The following DNAH3 variants were observed in gnomAD, a reference collection of about 807,000 sequenced individuals.
The protein encoded by DNAH3 is dynein axonemal heavy chain 3.
A neutral mutation model predicts 432.5 loss-of-function variants in DNAH3; 332 were observed. The ratio of observed to expected loss-of-function variants is 0.77; its 90% CI spans 0.70 to 0.84. The LOEUF is 0.84. Among genes scored for constraint, DNAH3 ranks in the 40% least tolerant of loss-of-function variants. DNAH3 has a pLI of 0.00. For missense variants in DNAH3, 4,861 were observed against 5,114.0 expected, an observed-to-expected ratio of 0.95 and a Z score of 1.51; for synonymous variants, 1,956 against 1,900.2, an observed-to-expected ratio of 1.03 and a Z score of -0.76.
Position 21,021,926 on chromosome 16 carries a change from T to C in DNAH3, c.5776+45A>G, listed in dbSNP as rs748870462. 11 of 1,590,552 alleles carry C rather than the reference T, an allele frequency of 6.9e-6. No homozygotes were observed. In the Admixed American group the frequency reaches 1.4e-4, roughly 21 times the overall value. On this transcript the variant is annotated intron_variant, in intron 40 of 61. Coordinates refer to ENST00000261383, the Ensembl canonical transcript of DNAH3. ...TCAAAAAAAAAAGAAATAGCCAAGG[T>C]AGACCCACCCCCCATGTGGCTTAAG...
chr16:21,074,358 T>C (rs374751049), intron 21 of DNAH3, among the ~76,000 whole-genome samples: 48 of 152,200 alleles, frequency 3.2e-4, no homozygotes, highest in African/African-American at 9.6e-4. Flanking sequence ...GAAGAATCCA[T>C]TGGGAGATTT....
chr16:21,113,960 C>G (rs1213786539), intron 12 of DNAH3, among the ~76,000 whole-genome samples: 1 of 152,160 alleles, frequency 6.6e-6, no homozygotes, highest in Non-Finnish European at 1.5e-5. Context: ...GCAGATAGTA[C>G]TGAACCCTTT....
intron 1 of DNAH3, among the ~76,000 whole-genome samples, chr16:21,159,029 AC>A (rs1051246137): frequency 6.7e-6 from 1 of 150,028 alleles, no homozygotes; most frequent in African/African-American, 2.5e-5. Flanking sequence ...CACACACACT[AC>A]CACTAGATTA....
chr16:20,986,081 C>G (rs919201798), intron 47 of DNAH3, among the ~76,000 whole-genome samples: 1 of 151,966 alleles, frequency 6.6e-6, no homozygotes, highest in East Asian at 1.9e-4. Flanking sequence ...TCCTGAAACT[C>G]CTGATATCAG....
chr16:21,005,165 CTTTCTT>C (rs1468440392), intron 41 of DNAH3, among the ~76,000 whole-genome samples: 11 of 144,278 alleles, frequency 7.6e-5, no homozygotes, highest in East Asian at 4.0e-4. Context: ...TCTTTTCTTT[CTTTCTT>C]TTTCTTTTTC....
intron 52 of DNAH3, 106 bp from the exon 53 acceptor site, chr16:20,965,531 A>G: frequency 2.0e-6 from 2 of 998,190 alleles, no homozygotes; most frequent in Middle Eastern, 3.4e-4. Flanking sequence ...AAACAAAAAC[A>G]TGGTCTGAGA....
exon 4 of DNAH3, chr16:21,141,312 T>C: frequency 6.3e-7 from 1 of 1,588,774 alleles, no homozygotes; most frequent in South Asian, 1.1e-5. Flanking sequence ...AGTGGAATCC[T>C]CTTTGTTTCT....
intron 44 of DNAH3, among the ~76,000 whole-genome samples, chr16:20,988,496 C>T (rs1415564553): frequency 6.6e-6 from 1 of 152,160 alleles, no homozygotes; most frequent in Non-Finnish European, 1.5e-5. Context: ...TTCACTGCAA[C>T]CTCCGCCTCC....
intron 52 of DNAH3, among the ~76,000 whole-genome samples, chr16:20,967,370 G>T (rs573854895): frequency 1.3e-5 from 2 of 152,012 alleles, no homozygotes; most frequent in South Asian, 4.2e-4. Flanking sequence ...ACCTGGCTGT[G>T]CTTTGTGTAT....
chr16:20,933,801 C>A (rs1288766624), intron 61 of DNAH3, among the ~76,000 whole-genome samples: 2 of 152,214 alleles, frequency 1.3e-5, no homozygotes, highest in African/African-American at 4.8e-5. Context: ...TGCACAATCC[C>A]TTCCCTTTCT....
At chr16:21,065,253 C>T (rs770419962) in intron 24 of DNAH3, among the ~76,000 whole-genome samples, 6 of 151,972 alleles carry the variant, frequency 3.9e-5, no homozygotes, top group East Asian at 1.9e-4. Context: ...CTCTGCCTCC[C>T]GGGTTCAAGC....
In DNAH3 at chr16:21,054,400, G is replaced by T. The variant is rs369195371; in HGVS notation, c.4039+20C>A. ...TTCTCCTGGATAGTCAGTAATGACA[G>T]GGGAAGCCCCCTGGCTTACCGTGGA... On this transcript the variant is annotated intron_variant, in intron 28 of 61. Transcript: ENST00000261383. The T allele has an allele frequency of 1.9e-6, 3 of 1,576,460 alleles. No individual in the cohort carries two copies. Among genetic ancestry groups the T allele is most frequent in the Non-Finnish European group, 1.7e-6 (2 of 1,146,208 alleles).
rs1362063092 is a variant in DNAH3 at position 21,136,670 on chromosome 16, A to G, written c.697-157T>C. The G allele has an allele frequency of 1.9e-5, 13 of 690,016 alleles. No individual in the cohort carries two copies. The East Asian group carries it at 3.3e-4, about 17-fold the overall frequency. The allele number at this position is 690,016 out of a possible 1,614,324, so 42.7% of individuals were successfully genotyped here. ...ATTCTGGGCCTGTCGCTTCACACTC[A>G]TGGCAAGAAGATCACTGGCAAATTT... On this transcript the variant is annotated intron_variant, in intron 5 of 61. Coordinates refer to ENST00000261383, the Ensembl canonical transcript of DNAH3.
chr16:20,944,933 C>T (rs77527545), intron 57 of DNAH3, among the ~76,000 whole-genome samples: 1,586 of 152,230 alleles, frequency 0.01, 10 homozygotes, highest in Middle Eastern at 0.031. Context: ...TGGCTTTGGA[C>T]CCAAACAGAA....
At chr16:21,104,408 A>G in intron 16 of DNAH3, 63 bp downstream of exon 16, 3 of 1,437,170 alleles carry the variant, frequency 2.1e-6, no homozygotes, top group Non-Finnish European at 2.9e-6. Flanking sequence ...AGAACCAGGA[A>G]CCTGCAGCAT....
At chr16:20,989,809 G>C (rs2086452267) in intron 44 of DNAH3, among the ~76,000 whole-genome samples, 1 of 152,260 alleles carries the variant, frequency 6.6e-6, no homozygotes. Context: ...CTAAGGCTCA[G>C]TGAGAAATCG....
chr16:21,156,694 C>T (rs968526825), intron 1 of DNAH3, among the ~76,000 whole-genome samples: 3 of 152,050 alleles, frequency 2.0e-5, no homozygotes, highest in African/African-American at 7.2e-5. Context: ...AGAGGCTGCG[C>T]GTGGATTTTT....
exon 33 of DNAH3, chr16:21,039,876 G>T (rs1488280264): frequency 6.2e-7 from 1 of 1,613,582 alleles, no homozygotes; most frequent in South Asian, 1.1e-5. Context: ...AAACCCCATG[G>T]AGTAGAGGGA....
At chr16:20,965,365 A>G in exon 53 of DNAH3, 1 of 1,548,436 alleles carries the variant, frequency 6.5e-7, no homozygotes, top group Non-Finnish European at 8.7e-7. Flanking sequence ...AAGACTCTCC[A>G]AGAATTTCAG....
Sources: gnomAD v4.1 joint callset for allele counts (sites outside exome capture counted in the v4.1 genomes callset) on GRCh38, gnomAD v4.1.1 for gene constraint, MANE v1.5 for transcripts, NCBI Gene and HGNC (gene_info 2026-07-23, HGNC 2026-07-21) for gene names.